ECHDC3: variants seen among roughly 807,000 people sequenced by gnomAD.
The protein encoded by ECHDC3 is enoyl-CoA hydratase domain containing 3.
ECHDC3 carries 20 observed loss-of-function variants against 17.9 expected under a neutral mutation model. The ratio of observed to expected loss-of-function variants is 1.12; its 90% CI spans 0.79 to 1.63. ECHDC3 has a LOEUF of 1.63. ECHDC3 is among the 40% of genes most tolerant of loss of function. The probability of loss-of-function intolerance (pLI) is 0.00; values close to 1 mark genes in which losing one functional copy is unlikely to be tolerated. For synonymous variants in ECHDC3, 177 were observed against 149.7 expected (o/e 1.18, Z -1.33); for missense variants, 407 against 357.7 (o/e 1.14, Z -1.11).
chr10:11,755,619 T>C lies in ECHDC3; in HGVS notation c.591+11T>C. 6.2e-7 allele frequency: 1 copy of C among 1,605,610 alleles called. No homozygotes were observed. Among genetic ancestry groups the C allele is most frequent in the South Asian group, 1.1e-5 (1 of 89,968 alleles). ...GCAGTGCCTAGAAAGGTAATTTAAC[T>C]CCCCCCACCCACCTCTGCCTCCCAG... On this transcript the variant is annotated intron_variant, in intron 4 of 4. Coordinates refer to ENST00000379215, the MANE Select transcript of ECHDC3 (RefSeq NM_024693.5).
chr10:11,756,215 TAC>T (rs1362946648), intron 4 of ECHDC3, among the ~76,000 whole-genome samples: 25 of 152,372 alleles, frequency 1.6e-4, no homozygotes, highest in African/African-American at 5.8e-4. Flanking sequence ...TTTTGTTAAC[TAC>T]AGTGAAGTCT....
chr10:11,753,130 C>T (rs1832845097), intron 3 of ECHDC3, among the ~76,000 whole-genome samples: 1 of 152,118 alleles, frequency 6.6e-6, no homozygotes, highest in Admixed American at 6.6e-5. Context: ...TCTGTAATCC[C>T]AGCGCTTTGG....
chr10:11,751,987 TAATTCAGG>T (rs1220388369), intron 3 of ECHDC3: 1 of 152,244 alleles, frequency 6.6e-6, no homozygotes, highest in Non-Finnish European at 1.5e-5. Context: ...AAACAGTACC[TAATTCAGG>T]AAGGTCAAAT....
intron 4 of ECHDC3, among the ~76,000 whole-genome samples, chr10:11,758,533 G>A (rs1429070020): frequency 6.6e-6 from 1 of 152,226 alleles, no homozygotes; most frequent in African/African-American, 2.4e-5. Flanking sequence ...TAGAGAGCCT[G>A]GGAGAAAGGC....
chr10:11,758,171 C>G (rs1216611689), intron 4 of ECHDC3, among the ~76,000 whole-genome samples: 1 of 152,230 alleles, frequency 6.6e-6, no homozygotes, highest in Non-Finnish European at 1.5e-5. Context: ...GCAATCAAGC[C>G]TGTCTGTTCA....
At position 11,742,739 on chromosome 10, in the gene ECHDC3, G is replaced by C; in HGVS notation, c.163G>C (p.Gly55Arg). Residue 55 changes from glycine (G) to arginine (R), a missense_variant, in exon 1 of 5, where the codon GGC (glycine) becomes CGC (arginine). Physicochemically the swap from Gly to Arg is moderately radical, Grantham distance 125. Coordinates refer to ENST00000379215, the MANE Select transcript of ECHDC3 (RefSeq NM_024693.5). The part of the protein sequence containing the change: ...PRPTSARQLD[G>R]IRNIVLSNPK... ...GCCCACCAGCGCGCGGCAGCTGGAC[G>C]GCATAAGGTCAGCCCCGGGCCGCGC... The C allele has an allele frequency of 8.1e-7, 1 of 1,232,608 alleles. No homozygotes were observed. Among genetic ancestry groups the C allele is most frequent in the Non-Finnish European group, 1.0e-6 (1 of 988,134 alleles). The allele number at this position is 1,232,608 out of a possible 1,614,324, so 76.4% of individuals were successfully genotyped here.
chr10:11,758,201 A>G (rs1311913904), intron 4 of ECHDC3, among the ~76,000 whole-genome samples: 2 of 152,216 alleles, frequency 1.3e-5, no homozygotes, highest in East Asian at 3.9e-4. Flanking sequence ...AAGCCTGGAC[A>G]TGAATAATAT....
intron 1 of ECHDC3, among the ~76,000 whole-genome samples, chr10:11,744,673 TGAAGA>T (rs1227840844): frequency 2.6e-5 from 4 of 152,066 alleles, no homozygotes; most frequent in African/African-American, 9.7e-5. Flanking sequence ...GAGGGTTCAG[TGAAGA>T]GATTTTTTTA....
Position 11,742,488 on chromosome 10 carries a change from G to T in ECHDC3, c.-89G>T, listed in dbSNP as rs1832704610. 3 of 1,194,314 alleles carry T rather than the reference G, an allele frequency of 2.5e-6. No homozygotes were observed. Among genetic ancestry groups the T allele is most frequent in the Non-Finnish European group, 2.1e-6 (2 of 951,850 alleles). 74.0% of individuals were successfully genotyped at this position (1,194,314 alleles called of 1,614,324 possible). A position where few individuals can be genotyped will look rare whatever the true frequency, so the allele number is the denominator to read the frequency against. On this transcript the variant is annotated 5_prime_UTR_variant, in exon 1 of 5. Transcript: ENST00000379215. ...TCGAGTTCCGTCGAGTTCCGTCCCG[G>T]CCCTGCTCACAGCAGCGCCCTCGGA...
At position 11,763,635 on chromosome 10, in the gene ECHDC3, T is replaced by TGAC; in HGVS notation, c.*92_*94dup. ...ACCACTGCCTCTCAGCTTCAACAGG[T>TGAC]GACAGGCTGCTTTCGTGACTTGATA... is the stretch of plus-strand genomic sequence containing the variant. On this transcript the variant is annotated 3_prime_UTR_variant, in exon 5 of 5. Coordinates refer to ENST00000379215, the MANE Select transcript of ECHDC3 (RefSeq NM_024693.5). This position sits in a 1 kb window ranked among gnomAD's most constrained non-coding sequence, Gnocchi z 4.9. The TGAC allele has an allele frequency of 2.8e-6, 4 of 1,434,574 alleles. No homozygotes were observed. The highest frequency in any genetic ancestry group is 3.6e-6 in the Non-Finnish European group (4 of 1,098,020). 88.9% of individuals were successfully genotyped at this position (1,434,574 alleles called of 1,614,324 possible).
intron 3 of ECHDC3, 150 bp downstream of exon 3, chr10:11,749,742 CCCAGCAAT>C (rs58243400): frequency 0.97 from 347,234 of 357,950 alleles, 169,455 homozygotes; most frequent in East Asian, 1. Context: ...GATCCTTTAT[CCCAGCAAT>C]CCAGCAATTA....
intron 4 of ECHDC3, among the ~76,000 whole-genome samples, chr10:11,759,247 G>A (rs530468156): frequency 2.6e-5 from 4 of 152,028 alleles, no homozygotes; most frequent in South Asian, 2.1e-4. Context: ...CCAGCTACTC[G>A]GGAGGCTGAG....
chr10:11,742,986 T>C (rs1224837055), intron 1 of ECHDC3: 2 of 358,670 alleles, frequency 5.6e-6, no homozygotes, highest in Admixed American at 4.8e-5. Flanking sequence ...GGGCCTCCAG[T>C]CGCTGGGCCT....
rs369047701 is a variant in ECHDC3 at position 11,749,584 on chromosome 10, T to G, written c.382T>G (p.Cys128Gly). 1 of 1,614,054 alleles carries G rather than the reference T, an allele frequency of 6.2e-7. No individual in the cohort carries two copies. The highest frequency in any genetic ancestry group is 2.2e-5 in the East Asian group (1 of 44,878). ...RDYHAEVFQT[C>G]SKVMMHIRNH... ...TTACCATGCCGAAGTATTTCAGACC[T>G]GTTCCAAGGTAAGCCAAGACGACAG... is the stretch of plus-strand genomic sequence containing the variant. Residue 128 changes from cysteine to glycine, a missense_variant, in exon 3 of 5, where the codon TGT becomes GGT. By Grantham distance (159) the Cys-to-Gly change is radical. Transcript: ENST00000379215.
Position 11,747,306 on chromosome 10 carries a change from T to TTGACTGGTGTG in ECHDC3, c.171-38_171-28dup, listed in dbSNP as rs1356155572. On this transcript the variant is annotated intron_variant, in intron 1 of 4. Coordinates refer to ENST00000379215, the MANE Select transcript of ECHDC3 (RefSeq NM_024693.5). ...GGAATCGCAGGGGTCCTCACTTGTT[T>TTGACTGGTGTG]TGACTGGTGTGTGACCCTGTGATTG... The TTGACTGGTGTG allele has an allele frequency of 1.9e-6, 3 of 1,605,070 alleles. No individual in the cohort carries two copies. The East Asian group carries it at 6.7e-5, about 36-fold the overall frequency.
In ECHDC3 at chr10:11,763,209, CG is replaced by C; in HGVS notation, c.592-14del. ...ACAGGAGAGCACCTCAGTGACATCC[CG>C]TGTCTCCCCGTAGGTGGCCTTGGAG... On this transcript the variant is annotated splice_polypyrimidine_tract_variant and intron_variant, in intron 4 of 4. Coordinates refer to ENST00000379215, the MANE Select transcript of ECHDC3 (RefSeq NM_024693.5). The surrounding 1 kb of genome is among the most constrained non-coding windows in gnomAD (Gnocchi z 4.9). 1 of 760,406 alleles carries C rather than the reference CG, an allele frequency of 1.3e-6. No individual in the cohort carries two copies. The highest frequency in any genetic ancestry group is 2.4e-6 in the Non-Finnish European group (1 of 408,980). 47.1% of individuals were successfully genotyped at this position (760,406 alleles called of 1,614,324 possible).
rs138365155 is a variant in ECHDC3, at chr10:11,761,530, A to G, written c.592-1694A>G. Reference sequence around the variant, plus strand: ...CAAGACAACAGAATTTGCAATTTGGACAGGGCTTAGCGAGGAAGGCTTCTC... The same window carrying G: ...CAAGACAACAGAATTTGCAATTTGGGCAGGGCTTAGCGAGGAAGGCTTCTC... On this transcript the variant is annotated intron_variant, in intron 4 of 4. Coordinates refer to ENST00000379215, the MANE Select transcript of ECHDC3 (RefSeq NM_024693.5). Among the ~76,000 whole-genome samples, 116 of 152,364 alleles carry G rather than the reference A, an allele frequency of 7.6e-4. 1 individual carries two copies. Among genetic ancestry groups the G allele is most frequent in the African/African-American group, 2.6e-3 (108 of 41,578 alleles).
At chr10:11,743,398 G>C (rs1489824995) in intron 1 of ECHDC3, among the ~76,000 whole-genome samples, 1 of 152,250 alleles carries the variant, frequency 6.6e-6, no homozygotes, top group Non-Finnish European at 1.5e-5. Flanking sequence ...AGAAGACCTA[G>C]AAGGCCGCCT....
At chr10:11,749,771 ACCTTTTTTTTTTTTT>A (rs1832803681) in intron 3 of ECHDC3, among the ~76,000 whole-genome samples, 179 bp downstream of exon 3, 1 of 112,798 alleles carries the variant, frequency 8.9e-6, no homozygotes, top group African/African-American at 3.7e-5. Context: ...TTTGGTTTAG[ACCTTTTTTTTTTTTT>A]TTTTTTTTTT....
Sources: gnomAD v4.1 joint callset for allele counts (sites outside exome capture counted in the v4.1 genomes callset) on GRCh38, gnomAD v4.1.1 for gene constraint, Gnocchi (gnomAD v3.1) non-coding constraint, MANE v1.5 for transcripts, NCBI Gene and HGNC (gene_info 2026-07-23, HGNC 2026-07-21) for gene names.